LRBA: variants seen among roughly 807,000 people sequenced by gnomAD.
LRBA encodes LPS responsive beige-like anchor protein.
A neutral mutation model predicts 330.0 loss-of-function variants in LRBA; 176 were observed. The observed-to-expected ratio is 0.53, with a 90% CI of 0.47 to 0.60. The LOEUF (loss-of-function observed/expected upper bound fraction) is 0.60. Among genes scored for constraint, LRBA ranks in the 20% least tolerant of loss-of-function variants. The probability of loss-of-function intolerance (pLI) is 0.00; values close to 1 mark genes in which losing one functional copy is unlikely to be tolerated. For missense variants in LRBA, 3,259 were observed against 3,444.8 expected, an observed-to-expected ratio of 0.95 and a Z score of 1.35; for synonymous variants, 1,230 against 1,193.0, an observed-to-expected ratio of 1.03 and a Z score of -0.64.
chr4:150,832,753 A>G (rs1311169233), intron 28 of LRBA, among the ~76,000 whole-genome samples: 1 of 152,172 alleles, frequency 6.6e-6, no homozygotes, highest in Non-Finnish European at 1.5e-5. Context: ...TATTAGATAC[A>G]GAATAGGATG....
At chr4:150,731,001 T>C (rs185590289) in intron 36 of LRBA, among the ~76,000 whole-genome samples, 2 of 152,102 alleles carry the variant, frequency 1.3e-5, no homozygotes, top group East Asian at 1.9e-4. Context: ...CTGGGCAACA[T>C]AGCAAGACTC....
intron 48 of LRBA, among the ~76,000 whole-genome samples, chr4:150,329,999 T>C (rs771117408): frequency 2.6e-5 from 4 of 152,192 alleles, no homozygotes; most frequent in Non-Finnish European, 5.9e-5. Context: ...CTCCAGCATA[T>C]CCTGCAGAAC....
At position 150,816,261 on chromosome 4, in the gene LRBA, C is replaced by T. The variant is rs180969589; in HGVS notation, c.5305+863G>A. Among the ~76,000 whole-genome samples the T allele has an allele frequency of 1.5e-3, 230 of 152,012 alleles. 1 individual carries two copies. The highest frequency in any genetic ancestry group is 5.2e-3 in the African/African-American group (216 of 41,526). On this transcript the variant is annotated intron_variant, in intron 31 of 56. Transcript: ENST00000651943. ...ATTCCTTCAAAATTCCTTTATTTTC[C>T]GTCAATCTCAACCTAGAATCATAAG...
intron 37 of LRBA, among the ~76,000 whole-genome samples, chr4:150,638,276 C>A (rs1185773112): frequency 6.6e-6 from 1 of 152,144 alleles, no homozygotes; most frequent in Non-Finnish European, 1.5e-5. Context: ...ATCCACCCGC[C>A]TCAGCCTACC....
chr4:151,008,988 A>AAAAAATATATAT (rs1554018903), intron 2 of LRBA, among the ~76,000 whole-genome samples: 2 of 5,524 alleles, frequency 3.6e-4, no homozygotes, highest in African/African-American at 9.3e-4. Context: ...AAAAAAAAAA[A>AAAAAATATATAT]ATATATATAT....
intron 46 of LRBA, among the ~76,000 whole-genome samples, chr4:150,420,063 C>A (rs1247425064): frequency 6.6e-6 from 1 of 150,394 alleles, no homozygotes; most frequent in Non-Finnish European, 1.5e-5. Flanking sequence ...ATGGCAAGAC[C>A]CGTCTCTACA....
At chr4:150,370,646 T>A (rs1247464639) in intron 47 of LRBA, among the ~76,000 whole-genome samples, 6 of 152,214 alleles carry the variant, frequency 3.9e-5, no homozygotes, top group Non-Finnish European at 8.8e-5. Context: ...AAGTGAACCC[T>A]AATATAAACC....
intron 13 of LRBA, among the ~76,000 whole-genome samples, chr4:150,903,056 T>C (rs1479440246): frequency 1.3e-5 from 2 of 152,160 alleles, no homozygotes; most frequent in East Asian, 1.9e-4. Flanking sequence ...TTAAAACTGC[T>C]GGGGCTAAGA....
intron 47 of LRBA, among the ~76,000 whole-genome samples, chr4:150,365,260 G>A (rs1029905138): frequency 1.3e-5 from 2 of 151,988 alleles, no homozygotes; most frequent in African/African-American, 4.8e-5. Context: ...GCCTGCCTTG[G>A]CCTCCCAAAG....
chr4:150,686,546 A>T (rs1462508771), intron 36 of LRBA, among the ~76,000 whole-genome samples: 1 of 152,214 alleles, frequency 6.6e-6, no homozygotes, highest in Non-Finnish European at 1.5e-5. Context: ...AGAACTGAGA[A>T]GCATTCTATA....
chr4:150,588,984 T>C (rs1222128018), intron 39 of LRBA, among the ~76,000 whole-genome samples: 1 of 151,920 alleles, frequency 6.6e-6, no homozygotes, highest in African/African-American at 2.4e-5. Flanking sequence ...TAGAGCTAAA[T>C]ATAAAATATG....
At chr4:150,939,488 AC>A (rs1249439226) in intron 2 of LRBA, among the ~76,000 whole-genome samples, 1 of 152,192 alleles carries the variant, frequency 6.6e-6, no homozygotes, top group Non-Finnish European at 1.5e-5. Context: ...AATTCTCAGA[AC>A]CAACCATGCC....
chr4:150,893,562 C>A (rs1729719383), intron 16 of LRBA, among the ~76,000 whole-genome samples: 1 of 152,126 alleles, frequency 6.6e-6, no homozygotes, highest in Non-Finnish European at 1.5e-5. Context: ...GTTGGCCAGG[C>A]TGGTCTCGAA....
At chr4:150,558,126 T>G (rs1015374031) in intron 40 of LRBA, among the ~76,000 whole-genome samples, 2 of 152,102 alleles carry the variant, frequency 1.3e-5, no homozygotes, top group Non-Finnish European at 2.9e-5. Context: ...CTCCAACTCC[T>G]AACCTCAAAT....
At chr4:150,420,399 T>C (rs1748537259) in intron 46 of LRBA, among the ~76,000 whole-genome samples, 1 of 140,334 alleles carries the variant, frequency 7.1e-6, no homozygotes. Flanking sequence ...ATATATAAAG[T>C]ATATATAATA....
intron 37 of LRBA, among the ~76,000 whole-genome samples, chr4:150,655,313 G>C (rs566877428): frequency 2.6e-5 from 4 of 152,210 alleles, no homozygotes; most frequent in South Asian, 2.1e-4. Context: ...CACTTCCAAA[G>C]CAGTGTATAT....
intron 2 of LRBA, among the ~76,000 whole-genome samples, chr4:150,945,112 G>C (rs1736104963): frequency 1.3e-5 from 2 of 152,086 alleles, no homozygotes; most frequent in Non-Finnish European, 2.9e-5. Context: ...TAATACAACT[G>C]GAAAGTTCTT....
intron 26 of LRBA, among the ~76,000 whole-genome samples, chr4:150,846,135 G>A (rs1394572849): frequency 2.0e-5 from 3 of 152,188 alleles, no homozygotes; most frequent in Admixed American, 6.5e-5. Context: ...ATTATCTTAA[G>A]TGAAACAAGT....
At chr4:150,947,581 A>G (rs1736377644) in intron 2 of LRBA, among the ~76,000 whole-genome samples, 1 of 152,106 alleles carries the variant, frequency 6.6e-6, no homozygotes, top group Non-Finnish European at 1.5e-5. Flanking sequence ...ATTATACTCA[A>G]TGATAAAAGA....
Sources: gnomAD v4.1 joint callset for allele counts (sites outside exome capture counted in the v4.1 genomes callset) on GRCh38, gnomAD v4.1.1 for gene constraint, MANE v1.5 for transcripts, NCBI Gene and HGNC (gene_info 2026-07-23, HGNC 2026-07-21) for gene names.